PTH2R: variants seen among roughly 807,000 people sequenced by gnomAD.
PTH2R encodes the protein PTH2 receptor.
In PTH2R, 59 loss-of-function variants were observed where a neutral mutation model predicts 60.3. The observed-to-expected ratio is 0.98, with a 90% CI of 0.79 to 1.22. The LOEUF (loss-of-function observed/expected upper bound fraction) is 1.22, where lower values mean the gene tolerates loss of function less well. PTH2R is among the 50% of genes most tolerant of loss of function. The pLI is 0.00. For missense variants in PTH2R, 749 were observed against 682.6 expected, an observed-to-expected ratio of 1.10 and a Z score of -1.08; for synonymous variants, 256 against 243.8, an observed-to-expected ratio of 1.05 and a Z score of -0.47.
rs183627553 is a variant in PTH2R at position 208,428,256 on chromosome 2, C to A, written c.131C>A (p.Ala44Glu). 5.6e-6 allele frequency: 9 copies of A among 1,613,444 alleles called. No homozygotes were observed. Among genetic ancestry groups the A allele is most frequent in the Non-Finnish European group, 5.9e-6 (7 of 1,179,800 alleles). ...GAGCAGATTGTCCTTGTGCTGAAAG[C>A]GAAAGTACAATGTGAACTCAACATC... Reference protein sequence around the residue: ...IEEQIVLVLKAKVQCELNITA... With the variant: ...IEEQIVLVLKEKVQCELNITA... Residue 44 changes from alanine to glutamate, a missense_variant, in exon 2 of 13, where the codon GCG (alanine) becomes GAG (glutamate). By Grantham distance (107) the Ala-to-Glu change is moderately radical (BLOSUM62 -1). Coordinates refer to ENST00000272847, the MANE Select transcript of PTH2R (RefSeq NM_005048.4).
At chr2:208,434,846 T>C (rs1233677881) in intron 2 of PTH2R, among the ~76,000 whole-genome samples, 3 of 152,048 alleles carry the variant, frequency 2.0e-5, no homozygotes, top group Non-Finnish European at 4.4e-5. Flanking sequence ...AAGGAAAACA[T>C]ACAAACAACA....
At chr2:208,451,173 A>ACT (rs146774540) in intron 8 of PTH2R, among the ~76,000 whole-genome samples, 32 of 149,512 alleles carry the variant, frequency 2.1e-4, no homozygotes, top group South Asian at 1.1e-3. Flanking sequence ...CAGTGTTCAT[A>ACT]CTCTCTCTCT....
chr2:208,372,201 A>G (rs1049279213), intron 1 of PTH2R, among the ~76,000 whole-genome samples: 8 of 152,114 alleles, frequency 5.3e-5, no homozygotes, highest in Admixed American at 2.0e-4. Flanking sequence ...GATTACAGGC[A>G]TGAGTAGTTG....
In PTH2R at chr2:208,442,385, TA is replaced by T. The variant is rs761834024; in HGVS notation, c.434del (p.Tyr145LeufsTer2). 7 of 1,612,726 alleles carry T rather than the reference TA, an allele frequency of 4.3e-6. No homozygotes were observed. In the South Asian group the frequency reaches 7.7e-5, roughly 18 times the overall value. ...IGKQEFFERL[Y>X]VMYTVGYSIS... is the part of the protein sequence containing the mutation. Reference sequence around the variant, plus strand: ...GCAGCAAGAATTCTTTGAACGCCTCTATGTAATGTATACCGTTGGCTACTCC... The same window carrying T: ...GCAGCAAGAATTCTTTGAACGCCTCTTGTAATGTATACCGTTGGCTACTCC... On this transcript the variant is annotated frameshift_variant, in exon 5 of 13. Coordinates refer to ENST00000272847, the MANE Select transcript of PTH2R (RefSeq NM_005048.4). LOFTEE classifies it high-confidence loss of function.
At chr2:208,404,065 C>T (rs1701356114), upstream of PTH2R, among the ~76,000 whole-genome samples, 1 of 152,024 alleles carries the variant, frequency 6.6e-6, no homozygotes, top group Non-Finnish European at 1.5e-5. Context: ...AGTGTGTGTC[C>T]AAGAGTTTTG....
chr2:208,422,328 T>G (rs1265508335), intron 1 of PTH2R, among the ~76,000 whole-genome samples: 1 of 152,114 alleles, frequency 6.6e-6, no homozygotes, highest in East Asian at 1.9e-4. Context: ...CGGAAACAAA[T>G]GTAATCTGGG....
rs375005479 is a variant in PTH2R at position 208,480,995 on chromosome 2, T to A, written c.982-75T>A. The A allele has an allele frequency of 6.1e-5, 69 of 1,127,260 alleles. 1 individual carries two copies. Among genetic ancestry groups the A allele is most frequent in the African/African-American group, 5.3e-4 (33 of 61,878 alleles). 69.8% of individuals were successfully genotyped at this position (1,127,260 alleles called of 1,614,324 possible). On this transcript the variant is annotated intron_variant, in intron 9 of 12. Coordinates refer to ENST00000272847, the MANE Select transcript of PTH2R (RefSeq NM_005048.4). ...ATTTTTCTTATTTGAATGGAAAAAA[T>A]TTCAATTTATGTAAATGTTTATAAA... is the stretch of plus-strand genomic sequence containing the variant.
chr2:208,485,390 G>T (rs1385044034), intron 10 of PTH2R, among the ~76,000 whole-genome samples: 1 of 152,136 alleles, frequency 6.6e-6, no homozygotes, highest in Non-Finnish European at 1.5e-5. Flanking sequence ...GTACATCCCT[G>T]AATCATCTTA....
chr2:208,404,312 T>C (rs983704274), upstream of PTH2R, among the ~76,000 whole-genome samples: 2 of 152,202 alleles, frequency 1.3e-5, no homozygotes, highest in African/African-American at 4.8e-5. Flanking sequence ...TCCAACTTCT[T>C]AATTTTCTTC....
rs761582444 is a variant in PTH2R at position 208,444,807 on chromosome 2, G to T, written c.773G>T (p.Gly258Val). ...AATTATTATTGGATCCTGGTGGAAG[G>T]TCTCTACCTGCATAATCTCATCTTT... ...ATNYYWILVE[G>V]LYLHNLIFVA... is the part of the protein sequence containing the mutation. Residue 258 changes from glycine to valine, a missense_variant, in exon 7 of 13, where the codon GGT becomes GTT. Coordinates refer to ENST00000272847, the MANE Select transcript of PTH2R (RefSeq NM_005048.4). 4 of 1,613,844 alleles carry T rather than the reference G, an allele frequency of 2.5e-6. No individual in the cohort carries two copies. The highest frequency in any genetic ancestry group is 2.5e-6 in the Non-Finnish European group (3 of 1,179,766).
At chr2:208,468,859 A>G (rs956446444) in intron 9 of PTH2R, among the ~76,000 whole-genome samples, 1 of 152,176 alleles carries the variant, frequency 6.6e-6, no homozygotes, top group African/African-American at 2.4e-5. Flanking sequence ...TGATACCTAG[A>G]GCTTAGCTAG....
At chr2:208,365,528 T>C (rs1019137075) in intron 1 of PTH2R, among the ~76,000 whole-genome samples, 2 of 152,158 alleles carry the variant, frequency 1.3e-5, no homozygotes, top group East Asian at 3.8e-4. Flanking sequence ...CAGGGATAAA[T>C]CCCACTTGAT....
intron 10 of PTH2R, among the ~76,000 whole-genome samples, chr2:208,484,012 A>C (rs960379628): frequency 6.6e-6 from 1 of 152,226 alleles, no homozygotes; most frequent in Non-Finnish European, 1.5e-5. Context: ...AGGGTTAATT[A>C]AGTATTTAAA....
intron 1 of PTH2R, among the ~76,000 whole-genome samples, chr2:208,390,043 A>C (rs1467714654): frequency 6.6e-6 from 1 of 152,180 alleles, no homozygotes; most frequent in Admixed American, 6.5e-5. Flanking sequence ...TGGGACTTCC[A>C]ACCAGGAGAG....
At chr2:208,478,086 A>G (rs1006512394) in intron 9 of PTH2R, among the ~76,000 whole-genome samples, 1 of 151,456 alleles carries the variant, frequency 6.6e-6, no homozygotes, top group Non-Finnish European at 1.5e-5. Flanking sequence ...TCACCTTCCC[A>G]TTTGCAGACT....
intron 1 of PTH2R, among the ~76,000 whole-genome samples, chr2:208,424,616 G>A (rs1342968988): frequency 1.3e-5 from 2 of 152,168 alleles, no homozygotes; most frequent in African/African-American, 2.4e-5. Context: ...GTGCTGAGAT[G>A]CACCTGTCCT....
chr2:208,389,790 G>A (rs1195346807), intron 1 of PTH2R, among the ~76,000 whole-genome samples: 1 of 151,354 alleles, frequency 6.6e-6, no homozygotes, highest in African/African-American at 2.4e-5. Flanking sequence ...TTTCTTTTCC[G>A]CTTTTTCTTT....
intron 10 of PTH2R, among the ~76,000 whole-genome samples, chr2:208,485,496 T>G (rs1018961433): frequency 1.3e-5 from 2 of 152,272 alleles, no homozygotes; most frequent in Admixed American, 6.5e-5. Flanking sequence ...TGCCCAGGAT[T>G]GCTACATGAT....
chr2:208,410,662 CAG>C (rs896227788), intron 1 of PTH2R, among the ~76,000 whole-genome samples: 18 of 152,182 alleles, frequency 1.2e-4, no homozygotes, highest in Admixed American at 9.2e-4. Flanking sequence ...TAACATGTGA[CAG>C]AAACAATAGG....
Sources: allele counts gnomAD v4.1 joint callset (sites outside exome capture counted in the v4.1 genomes callset), GRCh38; gene constraint gnomAD v4.1.1; transcripts MANE v1.5; gene names NCBI Gene and HGNC (gene_info 2026-07-23, HGNC 2026-07-21).